CPEB1: variants seen among roughly 807,000 people sequenced by gnomAD.
The protein encoded by CPEB1 is cytoplasmic polyadenylation element-binding protein 1.
A neutral mutation model predicts 65.8 loss-of-function variants in CPEB1; 7 were observed. The observed-to-expected ratio is 0.11, with a 90% CI of 0.06 to 0.20. The LOEUF is 0.20. Ranked by LOEUF, CPEB1 falls within the 10% of genes least tolerant of loss-of-function variation. The pLI, the probability that CPEB1 is intolerant of heterozygous loss-of-function variation, is 1.00. For synonymous variants in CPEB1, 262 were observed against 260.0 expected (o/e 1.01, Z -0.08); for missense variants, 551 against 712.2 (o/e 0.77, Z 2.58).
intron 3 of CPEB1, 33 bp from the exon 4 acceptor site, chr15:82,571,565 G>A (rs1436386238): frequency 6.3e-7 from 1 of 1,595,390 alleles, no homozygotes; most frequent in Non-Finnish European, 8.5e-7. Flanking sequence ...AGAAACCTCA[G>A]AGTTAAGGGC....
At chr15:82,637,451 A>G (rs960694241) in intron 1 of CPEB1, among the ~76,000 whole-genome samples, 1 of 152,104 alleles carries the variant, frequency 6.6e-6, no homozygotes, top group Non-Finnish European at 1.5e-5. Context: ...GGTCTCTCCC[A>G]TGTTTAGAAC....
intron 3 of CPEB1, among the ~76,000 whole-genome samples, chr15:82,578,994 T>C (rs1204024874): frequency 1.3e-5 from 2 of 152,026 alleles, no homozygotes; most frequent in African/African-American, 4.8e-5. Context: ...CAGCTAATTT[T>C]TGAACTTTAG....
At chr15:82,600,356 C>T (rs891614439) in intron 3 of CPEB1, among the ~76,000 whole-genome samples, 1 of 152,036 alleles carries the variant, frequency 6.6e-6, no homozygotes, top group African/African-American at 2.4e-5. Context: ...AAAGATCATT[C>T]ACTGCCAGCA....
rs759760492 is a variant in CPEB1 at position 82,555,924 on chromosome 15, G to A, written c.886C>T (p.Pro296Ser). 3 of 1,613,666 alleles carry A rather than the reference G, an allele frequency of 1.9e-6. No individual in the cohort carries two copies. Among genetic ancestry groups the A allele is most frequent in the Non-Finnish European group, 2.5e-6 (3 of 1,179,824 alleles). The change falls in exon 6 of 13, where the codon CCC (proline) becomes TCC (serine). Residue 296 changes from proline to serine, a missense_variant. Pro to Ser is a moderately conservative substitution (Grantham distance 74). This residue lies in a region of CPEB1 where 128 missense variants were observed against 129.1 expected (regional missense o/e 0.99). Transcript: ENST00000684509. ...VWPSWDLLEA[P>S]KDPFSIEREA... ...CTCTCTATGCTGAAGGGGTCTTTGG[G>A]AGCTTCGAGGAGGTCCCAGGATGGC... is the stretch of plus-strand genomic sequence containing the variant.
chr15:82,640,983 G>A (rs965522670), intron 1 of CPEB1: 3 of 152,074 alleles, frequency 2.0e-5, no homozygotes, highest in East Asian at 3.8e-4. Context: ...CACAGCAGAG[G>A]TAAGAGTGTA....
Position 82,571,510 on chromosome 15 carries a change from T to A in CPEB1, c.294A>T (p.Thr98=). Residue 98 remains threonine (T), a synonymous_variant, in exon 4 of 13, where the codon ACA becomes ACT. Transcript: ENST00000684509. ...TTGGGAAAAGCATCCTGCTTGTAAC[T>A]GTTTCTTCAGAGTCCTGGAAGTCTG... ...HLPDFQDSEE[T]VTSRMLFPTS... The A allele has an allele frequency of 1.2e-6, 2 of 1,614,022 alleles. No individual in the cohort carries two copies. Among genetic ancestry groups the A allele is most frequent in the East Asian group, 4.5e-5 (2 of 44,882 alleles).
At chr15:82,605,039 A>C (rs1456552164) in intron 3 of CPEB1, among the ~76,000 whole-genome samples, 1 of 152,226 alleles carries the variant, frequency 6.6e-6, no homozygotes, top group East Asian at 1.9e-4. Context: ...TTTCAATAAC[A>C]TTAATAGCTG....
chr15:82,615,864 T>C (rs2044660140), intron 3 of CPEB1, among the ~76,000 whole-genome samples: 1 of 152,098 alleles, frequency 6.6e-6, no homozygotes, highest in South Asian at 2.1e-4. Context: ...TCTTGTGATG[T>C]GGGCACAGGA....
intron 3 of CPEB1, among the ~76,000 whole-genome samples, chr15:82,578,427 A>G (rs148492278): frequency 1.3e-5 from 2 of 152,198 alleles, no homozygotes; most frequent in African/African-American, 2.4e-5. Context: ...AAGTTTACTC[A>G]GGGCACAAAC....
At chr15:82,642,372 C>T (rs1442078183) in intron 1 of CPEB1, among the ~76,000 whole-genome samples, 1 of 152,048 alleles carries the variant, frequency 6.6e-6, no homozygotes, top group Admixed American at 6.6e-5. Context: ...ATAGTGAAAC[C>T]CCATCTCAAA....
chr15:82,592,204 C>A (rs1412344142), intron 3 of CPEB1, among the ~76,000 whole-genome samples: 2 of 152,048 alleles, frequency 1.3e-5, no homozygotes, highest in African/African-American at 4.8e-5. Flanking sequence ...TATGGGTATA[C>A]CCTGGAGACA....
At chr15:82,648,004 C>T (rs1046624246), upstream of CPEB1, 4 of 665,148 alleles carry the variant, frequency 6.0e-6, no homozygotes, top group Non-Finnish European at 8.4e-6. Flanking sequence ...GAAGCTCCTA[C>T]GAGCCGCTCC....
chr15:82,567,536 C>T (rs1030494362), intron 4 of CPEB1, among the ~76,000 whole-genome samples: 4 of 151,864 alleles, frequency 2.6e-5, no homozygotes, highest in African/African-American at 7.3e-5. Context: ...ACTCAGGAGG[C>T]TGAGGCAGAG....
intron 12 of CPEB1, 28 bp from the exon 13 acceptor site, chr15:82,544,730 G>A: frequency 1.3e-6 from 2 of 1,546,140 alleles, no homozygotes; most frequent in Non-Finnish European, 1.8e-6. Flanking sequence ...AAAGGAGGAT[G>A]CCATGCCTGT....
intron 3 of CPEB1, among the ~76,000 whole-genome samples, chr15:82,619,804 C>G (rs867349651): frequency 6.6e-6 from 1 of 151,904 alleles, no homozygotes; most frequent in Admixed American, 6.6e-5. Flanking sequence ...ATGAAACAAC[C>G]CAAACCATCG....
intron 3 of CPEB1, among the ~76,000 whole-genome samples, chr15:82,621,658 T>C (rs1232463296): frequency 6.6e-6 from 1 of 151,804 alleles, no homozygotes; most frequent in Non-Finnish European, 1.5e-5. Context: ...GCTACAACTA[T>C]ACAATTCTTT....
At chr15:82,643,607 C>CA (rs1379700290) in intron 1 of CPEB1, among the ~76,000 whole-genome samples, 1 of 149,848 alleles carries the variant, frequency 6.7e-6, no homozygotes, top group Admixed American at 6.7e-5. Context: ...CCAGCTTGGG[C>CA]AACAGAGTCT....
intron 1 of CPEB1, among the ~76,000 whole-genome samples, chr15:82,630,839 A>T (rs1343442100): frequency 6.6e-6 from 1 of 152,184 alleles, no homozygotes; most frequent in Non-Finnish European, 1.5e-5. Context: ...AAATTGGAAA[A>T]GCCTCATATG....
intron 1 of CPEB1, among the ~76,000 whole-genome samples, chr15:82,643,333 T>C (rs925479520): frequency 3.3e-5 from 5 of 152,176 alleles, no homozygotes; most frequent in Non-Finnish European, 7.4e-5. Flanking sequence ...TTTACTCCTT[T>C]AAATCCTTGG....
Sources: gnomAD v4.1 joint callset for allele counts (sites outside exome capture counted in the v4.1 genomes callset) on GRCh38, gnomAD v4.1.1 for gene constraint, gnomAD v4.1.1 regional missense constraint, MANE v1.5 for transcripts, NCBI Gene and HGNC (gene_info 2026-07-23, HGNC 2026-07-21) for gene names.